The following MSI2 variants were observed in gnomAD, a reference collection of about 807,000 sequenced individuals.
MSI2 encodes RNA-binding protein Musashi homolog 2.
Under a neutral mutation model 45.6 loss-of-function variants are expected in MSI2, and 17 were observed. The ratio of observed to expected loss-of-function variants is 0.37; its 90% CI spans 0.26 to 0.56. The LOEUF (loss-of-function observed/expected upper bound fraction) is 0.56, where lower values mean the gene tolerates loss of function less well. MSI2 is among the 20% of genes least tolerant of loss of function. The pLI, the probability that MSI2 is intolerant of heterozygous loss-of-function variation, is 0.77. For synonymous variants in MSI2, 156 were observed against 158.2 expected (o/e 0.99, Z 0.11); for missense variants, 293 against 444.2 (o/e 0.66, Z 3.06).
chr17:57,461,298 C>T (rs148141048), intron 6 of MSI2, among the ~76,000 whole-genome samples: 1 of 152,160 alleles, frequency 6.6e-6, no homozygotes, highest in African/African-American at 2.4e-5. Context: ...GGCAGCTGTT[C>T]AGTGGTAATT....
At chr17:57,333,600 G>A (rs1331562318) in intron 5 of MSI2, among the ~76,000 whole-genome samples, 1 of 152,002 alleles carries the variant, frequency 6.6e-6, no homozygotes, top group Non-Finnish European at 1.5e-5. Flanking sequence ...ACCACACCTA[G>A]CTAATATTTT....
At chr17:57,582,524 G>T (rs2144374453) in intron 7 of MSI2, among the ~76,000 whole-genome samples, 1 of 152,188 alleles carries the variant, frequency 6.6e-6, no homozygotes. Flanking sequence ...AACTCTAAAG[G>T]TTGGATTCTA....
At chr17:57,430,081 T>C (rs999669418) in intron 6 of MSI2, among the ~76,000 whole-genome samples, 3 of 152,250 alleles carry the variant, frequency 2.0e-5, no homozygotes, top group African/African-American at 7.2e-5. Context: ...ATTTAAATCA[T>C]ATGTGCCTTG....
chr17:57,409,757 C>G (rs1046257730), intron 6 of MSI2, among the ~76,000 whole-genome samples: 2 of 151,974 alleles, frequency 1.3e-5, no homozygotes, highest in Non-Finnish European at 2.9e-5. Flanking sequence ...GCCTGTAATC[C>G]CAGCACTTTG....
chr17:57,274,455 A>T (rs954679478), intron 5 of MSI2: 2 of 152,214 alleles, frequency 1.3e-5, no homozygotes, highest in Non-Finnish European at 2.9e-5. Context: ...GGGACTTAAC[A>T]TAATAAAGTG....
At chr17:57,630,186 C>CGGG (rs549292953) in intron 10 of MSI2, 1 of 98,700 alleles carries the variant, frequency 1.0e-5, no homozygotes. Flanking sequence ...ACTGGGGGGG[C>CGGG]GGGGGATGGA....
intron 5 of MSI2, among the ~76,000 whole-genome samples, chr17:57,297,506 G>T (rs1490103445): frequency 2.6e-5 from 4 of 152,204 alleles, no homozygotes; most frequent in African/African-American, 9.7e-5. Context: ...TGCTGGTGGA[G>T]GGTCTTGCCT....
intron 5 of MSI2, among the ~76,000 whole-genome samples, chr17:57,357,382 T>C (rs1916506955): frequency 6.6e-6 from 1 of 151,960 alleles, no homozygotes; most frequent in Admixed American, 6.6e-5. Flanking sequence ...GTGGGTGGTG[T>C]GGTGTAGAAG....
At chr17:57,427,690 C>G (rs1378029598) in intron 6 of MSI2, among the ~76,000 whole-genome samples, 1 of 152,174 alleles carries the variant, frequency 6.6e-6, no homozygotes, top group African/African-American at 2.4e-5. Flanking sequence ...GTTATTTAAT[C>G]CAGCCTCTCC....
At chr17:57,574,980 A>ATG (rs2087984319) in intron 7 of MSI2, among the ~76,000 whole-genome samples, 1 of 151,926 alleles carries the variant, frequency 6.6e-6, no homozygotes, top group Non-Finnish European at 1.5e-5. Context: ...GCAGGTGCCC[A>ATG]CCACCACGCC....
chr17:57,397,364 T>C (rs1222401741), intron 5 of MSI2, among the ~76,000 whole-genome samples: 2 of 152,150 alleles, frequency 1.3e-5, no homozygotes, highest in Non-Finnish European at 1.5e-5. Flanking sequence ...CTTAGGTAAA[T>C]GGAAGCCAAG....
In MSI2 at chr17:57,627,779, G is replaced by A. The variant is rs534552236; in HGVS notation, c.727+476G>A. On this transcript the variant is annotated intron_variant, in intron 10 of 13. Coordinates refer to ENST00000284073, the MANE Select transcript of MSI2 (RefSeq NM_138962.4). This position sits in a 1 kb window ranked among gnomAD's most constrained non-coding sequence, Gnocchi z 4.6. Reference sequence around the variant, plus strand: ...CCGTCCTGACTGCTGTGGCTTCGGCGTCCTTCTGGGCTGTGTTGATGTTGA... The same window carrying A: ...CCGTCCTGACTGCTGTGGCTTCGGCATCCTTCTGGGCTGTGTTGATGTTGA... 15 of 183,030 alleles carry A rather than the reference G, an allele frequency of 8.2e-5. No homozygotes were observed. Among genetic ancestry groups the A allele is most frequent in the South Asian group, 3.5e-4 (3 of 8,604 alleles). 11.3% of individuals were successfully genotyped at this position (183,030 alleles called of 1,614,324 possible).
the MSI2 span, among the ~76,000 whole-genome samples, chr17:57,697,677 G>A: frequency 6.6e-6 from 1 of 152,182 alleles, no homozygotes; most frequent in South Asian, 2.1e-4. Flanking sequence ...CATGGTAGAA[G>A]GTGAAAAGTG....
At chr17:57,663,697 G>T (rs777703874) in intron 11 of MSI2, among the ~76,000 whole-genome samples, 2 of 152,202 alleles carry the variant, frequency 1.3e-5, no homozygotes, top group African/African-American at 4.8e-5. Context: ...GTCCAGTTTT[G>T]CTGTGTCCTT....
At chr17:57,372,986 C>T (rs1449595170) in intron 5 of MSI2, among the ~76,000 whole-genome samples, 4 of 152,260 alleles carry the variant, frequency 2.6e-5, no homozygotes, top group East Asian at 1.9e-4. Context: ...CAGGGGCTCA[C>T]GACTGTAATC....
At chr17:57,429,269 G>A (rs780989300) in intron 6 of MSI2, among the ~76,000 whole-genome samples, 1 of 152,184 alleles carries the variant, frequency 6.6e-6, no homozygotes, top group Non-Finnish European at 1.5e-5. Context: ...GTCTGGGAGA[G>A]AAAAGGTTGG....
At chr17:57,291,995 G>GC (rs1402513411) in intron 5 of MSI2, among the ~76,000 whole-genome samples, 1 of 152,090 alleles carries the variant, frequency 6.6e-6, no homozygotes, top group African/African-American at 2.4e-5. Context: ...AGAGTGCTGT[G>GC]CTGGAGATTG....
intron 11 of MSI2, among the ~76,000 whole-genome samples, chr17:57,659,967 C>G (rs1002600009): frequency 5.3e-5 from 8 of 152,078 alleles, no homozygotes; most frequent in Admixed American, 2.0e-4. Context: ...CTGTCCTAAG[C>G]CTGATTCAAG....
At chr17:57,484,228 A>G (rs2085707137) in intron 6 of MSI2, among the ~76,000 whole-genome samples, 1 of 152,128 alleles carries the variant, frequency 6.6e-6, no homozygotes, top group African/African-American at 2.4e-5. Flanking sequence ...CCTCAGGCAG[A>G]TGCCCGTAGG....
Sources: allele counts gnomAD v4.1 joint callset (sites outside exome capture counted in the v4.1 genomes callset), GRCh38; gene constraint gnomAD v4.1.1; non-coding constraint Gnocchi (gnomAD v3.1); transcripts MANE v1.5; gene names NCBI Gene and HGNC (gene_info 2026-07-23, HGNC 2026-07-21).